The following NOL4 variants were observed in gnomAD, a reference collection of about 807,000 sequenced individuals.
The protein encoded by NOL4 is cancer/testis antigen 125.
NOL4 carries 17 observed loss-of-function variants against 75.9 expected under a neutral mutation model. That is an observed-to-expected ratio of 0.22 (90% CI 0.15 to 0.34). The LOEUF is 0.34. NOL4 is among the 10% of genes least tolerant of loss of function. The pLI is 1.00. For synonymous variants in NOL4, 292 were observed against 289.9 expected, an observed-to-expected ratio of 1.01 and a Z score of -0.07; for missense variants, 614 against 793.5, an observed-to-expected ratio of 0.77 and a Z score of 2.72.
At chr18:34,098,611 G>A (rs1451596689) in intron 4 of NOL4, among the ~76,000 whole-genome samples, 2 of 152,116 alleles carry the variant, frequency 1.3e-5, no homozygotes, top group South Asian at 4.1e-4. Flanking sequence ...AAGACACTAA[G>A]TTTTAGGGGT....
intron 1 of NOL4, among the ~76,000 whole-genome samples, chr18:34,159,928 G>A (rs1470989293): frequency 6.6e-6 from 1 of 152,058 alleles, no homozygotes; most frequent in Non-Finnish European, 1.5e-5. Flanking sequence ...GTGGGGTGGA[G>A]TTGTCAGCTG....
intron 5 of NOL4, among the ~76,000 whole-genome samples, chr18:34,044,013 T>G (rs2076253400): frequency 6.6e-6 from 1 of 152,130 alleles, no homozygotes; most frequent in Non-Finnish European, 1.5e-5. Flanking sequence ...TTGTAACTGC[T>G]CATTCTTCTC....
intron 5 of NOL4, among the ~76,000 whole-genome samples, chr18:34,045,567 C>T (rs1019418056): frequency 6.6e-6 from 1 of 152,158 alleles, no homozygotes; most frequent in African/African-American, 2.4e-5. Flanking sequence ...ACTGCTCTGG[C>T]TATCCCCACA....
At chr18:34,008,404 T>A (rs767169760) in intron 6 of NOL4, among the ~76,000 whole-genome samples, 4 of 151,270 alleles carry the variant, frequency 2.6e-5, no homozygotes, top group Non-Finnish European at 4.4e-5. Flanking sequence ...TATCTATCTA[T>A]CTATCTATCC....
At chr18:34,163,178 C>T (rs1345432835) in intron 1 of NOL4, among the ~76,000 whole-genome samples, 3 of 152,132 alleles carry the variant, frequency 2.0e-5, no homozygotes, top group Non-Finnish European at 4.4e-5. Context: ...TGAAAACTGG[C>T]ACAAGACAGG....
At chr18:34,167,044 C>CAAAAAAAAA (rs1174730527) in intron 1 of NOL4, among the ~76,000 whole-genome samples, 3 of 5,666 alleles carry the variant, frequency 5.3e-4, no homozygotes, top group African/African-American at 6.9e-4. Context: ...GACTCCGTCT[C>CAAAAAAAAA]AAAAAAAAAA....
intron 5 of NOL4, among the ~76,000 whole-genome samples, chr18:34,066,033 T>C (rs2077261870): frequency 1.3e-5 from 2 of 151,922 alleles, no homozygotes; most frequent in African/African-American, 2.4e-5. Context: ...GACTTGGGGA[T>C]TGTTAATCTC....
chr18:34,152,499 T>C (rs2081690533), intron 1 of NOL4, among the ~76,000 whole-genome samples: 1 of 151,944 alleles, frequency 6.6e-6, no homozygotes, highest in African/African-American at 2.4e-5. Context: ...CAGTGAATCC[T>C]ACACAGGATA....
At chr18:34,192,890 C>T (rs866851251) in intron 1 of NOL4, among the ~76,000 whole-genome samples, 1 of 152,204 alleles carries the variant, frequency 6.6e-6, no homozygotes, top group African/African-American at 2.4e-5. Flanking sequence ...TAGGCCCCCT[C>T]TTGCTCTATT....
chr18:33,926,372 A>C (rs571509492), intron 9 of NOL4, among the ~76,000 whole-genome samples: 2,071 of 150,454 alleles, frequency 0.014, 47 homozygotes, highest in African/African-American at 0.047. Context: ...AAAAAAAAAA[A>C]AAAAAAAAAA....
At chr18:34,060,514 G>A (rs959485937) in intron 5 of NOL4, among the ~76,000 whole-genome samples, 6 of 152,060 alleles carry the variant, frequency 3.9e-5, no homozygotes, top group Non-Finnish European at 8.8e-5. Flanking sequence ...TTAATGGGTG[G>A]TGTTTATTTT....
chr18:33,903,227 C>T (rs1468272540), intron 9 of NOL4, among the ~76,000 whole-genome samples: 1 of 152,100 alleles, frequency 6.6e-6, no homozygotes, highest in East Asian at 1.9e-4. Context: ...TACATGGTAG[C>T]AGAAGAGAGT....
At chr18:34,040,892 A>G (rs1352307089) in intron 5 of NOL4, among the ~76,000 whole-genome samples, 1 of 152,022 alleles carries the variant, frequency 6.6e-6, no homozygotes, top group Admixed American at 6.6e-5. Flanking sequence ...TAATTGTAAA[A>G]TTAGTAAAAG....
rs1035160327 is a variant in NOL4 at position 34,207,619 on chromosome 18, T to G, written c.264+15371A>C. Among the ~76,000 whole-genome samples the G allele has an allele frequency of 2.6e-5, 4 of 152,316 alleles. No individual in the cohort carries two copies. The East Asian group carries it at 7.7e-4, about 29-fold the overall frequency. ...ATACAAGATTTAGGGGATCTTCTCT[T>G]TGGAATTTCCCTCACACTCTCTAAT... On this transcript the variant is annotated intron_variant, in intron 1 of 10. Transcript: ENST00000261592.
intron 4 of NOL4, among the ~76,000 whole-genome samples, chr18:34,099,386 C>T (rs1468880164): frequency 1.2e-5 from 1 of 83,062 alleles, no homozygotes; most frequent in African/African-American, 4.6e-5. Flanking sequence ...AAGACAACTA[C>T]GCATGCTTCG....
At chr18:34,058,644 T>C (rs1048153162) in intron 5 of NOL4, among the ~76,000 whole-genome samples, 2 of 152,176 alleles carry the variant, frequency 1.3e-5, no homozygotes, top group Non-Finnish European at 2.9e-5. Context: ...ATCATTAATA[T>C]TGCAATCTTC....
chr18:33,937,879 C>G (rs1004215837), intron 9 of NOL4, among the ~76,000 whole-genome samples: 3 of 152,090 alleles, frequency 2.0e-5, no homozygotes, highest in African/African-American at 7.2e-5. Flanking sequence ...AGTTTGTAGC[C>G]TTTTTTAGGC....
In NOL4 at chr18:33,957,492, T is replaced by G; in HGVS notation, c.1262A>C (p.Glu421Ala). The part of the protein sequence containing the change: ...FNMFVRLFVD[E>A]NLDRMVPISK... ...GATTGGGACCATTCGGTCCAAGTTT[T>G]CATCTACAAACAGCCTGACAAACAT... Residue 421 changes from glutamate to alanine, a missense_variant, in exon 8 of 11, where the codon GAA becomes GCA. By Grantham distance (107) the Glu-to-Ala change is moderately radical. This residue lies in a region of NOL4 where 52 missense variants were observed against 121.1 expected (regional missense o/e 0.43). Coordinates refer to ENST00000261592, the MANE Select transcript of NOL4 (RefSeq NM_003787.5). 1.2e-6 allele frequency: 2 copies of G among 1,613,350 alleles called. No individual in the cohort carries two copies. The highest frequency in any genetic ancestry group is 1.7e-6 in the Non-Finnish European group (2 of 1,179,636).
In NOL4 at chr18:34,223,077, C is replaced by A; in HGVS notation, c.177G>T (p.Ser59=). 3 of 1,614,106 alleles carry A rather than the reference C, an allele frequency of 1.9e-6. No individual in the cohort carries two copies. The highest frequency in any genetic ancestry group is 2.5e-6 in the Non-Finnish European group (3 of 1,180,040). ...CCGGCTGGCCCAGCTGGAAGCCCTT[C>A]GATTTGACCCAGAATTTAAATTTGG... The part of the protein sequence containing the change: ...DNAKFKFWVK[S]KGFQLGQPDE... Residue 59 remains serine, a synonymous_variant, in exon 1 of 11, where the codon TCG becomes TCT. Coordinates refer to ENST00000261592, the MANE Select transcript of NOL4 (RefSeq NM_003787.5).
Sources: allele counts gnomAD v4.1 joint callset (sites outside exome capture counted in the v4.1 genomes callset), GRCh38; gene constraint gnomAD v4.1.1; regional missense constraint gnomAD v4.1.1; transcripts MANE v1.5; gene names NCBI Gene and HGNC (gene_info 2026-07-23, HGNC 2026-07-21).